Variants in SEPTIN9 observed in about 807,000 individuals in gnomAD.
SEPTIN9 encodes the protein septin-9.
Under a neutral mutation model 56.6 loss-of-function variants are expected in SEPTIN9, and 13 were observed. The ratio of observed to expected loss-of-function variants is 0.23; its 90% CI spans 0.15 to 0.37. The LOEUF (loss-of-function observed/expected upper bound fraction) is 0.37, where lower values mean the gene tolerates loss of function less well. Ranked by LOEUF, SEPTIN9 falls within the 10% of genes least tolerant of loss-of-function variation. SEPTIN9 has a pLI of 1.00. For synonymous variants in SEPTIN9, 332 were observed against 334.1 expected (o/e 0.99, Z 0.07); for missense variants, 650 against 823.1 (o/e 0.79, Z 2.57).
rs996849157 is a variant in SEPTIN9 at position 77,327,563 on chromosome 17, T to C, written c.76+20366T>C. On this transcript the variant is annotated intron_variant, in intron 2 of 11. Transcript: ENST00000427177. The surrounding 1 kb of genome is among the most constrained non-coding windows in gnomAD (Gnocchi z 5.0). The stretch of plus-strand genomic sequence containing the variant: ...TGCTCTGGGCAGTGGGGGCTGGGTA[T>C]GGGAGGGGATCGTGGGTGGGGAGAT... 2.0e-5 allele frequency among the ~76,000 whole-genome samples: 3 copies of C among 151,962 alleles called. No individual in the cohort carries two copies. Among genetic ancestry groups the C allele is most frequent in the Non-Finnish European group, 4.4e-5 (3 of 67,988 alleles).
chr17:77,328,207 C>A (rs1382170021), intron 2 of SEPTIN9, among the ~76,000 whole-genome samples: 1 of 152,214 alleles, frequency 6.6e-6, no homozygotes, highest in East Asian at 1.9e-4. Context: ...CCAGGGTGTC[C>A]CCATGCCCAG....
chr17:77,357,337 C>T (rs2034287355), intron 2 of SEPTIN9, among the ~76,000 whole-genome samples: 1 of 151,792 alleles, frequency 6.6e-6, no homozygotes, highest in Non-Finnish European at 1.5e-5. Context: ...ACAGTGGCTC[C>T]CTCTTACCTT....
At chr17:77,454,453 C>A in intron 3 of SEPTIN9, 1 of 841,294 alleles carries the variant, frequency 1.2e-6, no homozygotes, top group Non-Finnish European at 1.4e-6. Context: ...GTCCGCTGTA[C>A]GTGTGAGTTT....
rs200703014 is a variant in SEPTIN9 at position 77,402,336 on chromosome 17, G to C, written c.354G>C (p.Gln118His). ...TELSIDISSK[Q>H]VENAGAIGPS... Reference sequence around the variant, plus strand: ...TGTCCATTGACATCTCGTCCAAGCAGGTGGAGAACGCCGGGGCCATCGGCC... The same window carrying C: ...TGTCCATTGACATCTCGTCCAAGCACGTGGAGAACGCCGGGGCCATCGGCC... Residue 118 changes from glutamine (Q) to histidine (H), a missense_variant, in exon 3 of 12, where the codon CAG becomes CAC. Around this residue, in one of 2 missense-constraint regions of SEPTIN9, gnomAD observed 317 missense variants for 329.1 expected, o/e 0.96. Transcript: ENST00000427177. The surrounding 1 kb of genome is among the most constrained non-coding windows in gnomAD (Gnocchi z 6.6). The C allele has an allele frequency of 3.9e-4, 628 of 1,612,696 alleles. 1 individual carries two copies. Among genetic ancestry groups the C allele is most frequent in the Non-Finnish European group, 5.0e-4 (586 of 1,179,798 alleles).
At chr17:77,443,266 T>C (rs1267828531) in intron 3 of SEPTIN9, among the ~76,000 whole-genome samples, 1 of 152,054 alleles carries the variant, frequency 6.6e-6, no homozygotes, top group Non-Finnish European at 1.5e-5. Flanking sequence ...TGATGTTGGC[T>C]CAAGGGGAAA....
rs2032788626 is a variant in SEPTIN9 at position 77,318,578 on chromosome 17, C to T, written c.76+11381C>T. Among the ~76,000 whole-genome samples the T allele has an allele frequency of 6.6e-6, 1 of 152,168 alleles. No individual in the cohort carries two copies. On this transcript the variant is annotated intron_variant, in intron 2 of 11. Transcript: ENST00000427177. This position sits in a 1 kb window ranked among gnomAD's most constrained non-coding sequence, Gnocchi z 4.9. ...CCCACCTCGGCTGAGATGCTGTCCC[C>T]ACCTCCCTCACTGTCTGGCTGCCTG...
intron 2 of SEPTIN9, among the ~76,000 whole-genome samples, chr17:77,392,669 TG>T (rs2035582792): frequency 1.3e-5 from 2 of 150,024 alleles, no homozygotes; most frequent in African/African-American, 4.9e-5. Context: ...GGGATTGAGC[TG>T]GGGGTGGGGT....
chr17:77,341,784 C>CAA (rs34170928), intron 2 of SEPTIN9, among the ~76,000 whole-genome samples: 44,784 of 112,852 alleles, frequency 0.4, 9,578 homozygotes, highest in East Asian at 0.77. Context: ...GACTCCATCT[C>CAA]AAAAAAAAAA....
At chr17:77,337,015 T>C (rs892720619) in intron 2 of SEPTIN9, among the ~76,000 whole-genome samples, 2 of 151,602 alleles carry the variant, frequency 1.3e-5, no homozygotes, top group Admixed American at 1.3e-4. Flanking sequence ...TTTTTTTTTT[T>C]TTTAAAGAAA....
rs1266270887 is a variant in SEPTIN9 at position 77,445,127 on chromosome 17, TC to T, written c.722-37013del. 1 of 466,852 alleles carries T rather than the reference TC, an allele frequency of 2.1e-6. No individual in the cohort carries two copies. The highest frequency in any genetic ancestry group is 7.0e-5 in the East Asian group (1 of 14,316). The allele number at this position is 466,852 out of a possible 1,614,324, so 28.9% of individuals were successfully genotyped here. On this transcript the variant is annotated intron_variant, in intron 3 of 11. Transcript: ENST00000427177. The surrounding 1 kb of genome is among the most constrained non-coding windows in gnomAD (Gnocchi z 4.7). The stretch of plus-strand genomic sequence containing the variant: ...GCCTTCACTCGGGCTACTCAGGGTT[TC>T]CCCAGCCTGCCAACCCAAGGGTGGC...
At chr17:77,351,124 T>G (rs992906750) in intron 2 of SEPTIN9, among the ~76,000 whole-genome samples, 1 of 152,030 alleles carries the variant, frequency 6.6e-6, no homozygotes, top group African/African-American at 2.4e-5. Context: ...TCATTTTCCT[T>G]TTTTCTGGCT....
At chr17:77,399,544 C>T (rs1180403026) in intron 2 of SEPTIN9, among the ~76,000 whole-genome samples, 3 of 152,284 alleles carry the variant, frequency 2.0e-5, no homozygotes, top group Non-Finnish European at 4.4e-5. Context: ...CACTTTCTGG[C>T]ATCAGCCCGA....
intron 2 of SEPTIN9, among the ~76,000 whole-genome samples, chr17:77,331,336 C>G (rs2033344539): frequency 6.6e-6 from 1 of 152,086 alleles, no homozygotes; most frequent in South Asian, 2.1e-4. Flanking sequence ...GTGATGGGCA[C>G]TGGGGCTTAT....
At chr17:77,428,395 A>G (rs1319665273) in intron 3 of SEPTIN9, among the ~76,000 whole-genome samples, 1 of 152,118 alleles carries the variant, frequency 6.6e-6, no homozygotes, top group African/African-American at 2.4e-5. Context: ...TGACAGGTGG[A>G]CACTGTACCT....
intron 3 of SEPTIN9, among the ~76,000 whole-genome samples, chr17:77,431,648 G>A (rs312900): frequency 0.03 from 4,512 of 151,946 alleles, 216 homozygotes; most frequent in African/African-American, 0.098. Context: ...GGGCAACATG[G>A]CGAAACTCCA....
intron 2 of SEPTIN9, among the ~76,000 whole-genome samples, chr17:77,366,384 AAG>A (rs1323515668): frequency 3.9e-5 from 6 of 152,186 alleles, no homozygotes; most frequent in African/African-American, 1.4e-4. Flanking sequence ...GGACTGTGTG[AAG>A]AGAGAAGGAT....
intron 8 of SEPTIN9, among the ~76,000 whole-genome samples, chr17:77,491,630 C>A (rs1013591580): frequency 1.3e-5 from 2 of 151,478 alleles, no homozygotes; most frequent in African/African-American, 4.8e-5. Context: ...ATGATGAAAC[C>A]CCATCTCTAC....
chr17:77,452,031 C>T (rs2037995143), intron 3 of SEPTIN9, among the ~76,000 whole-genome samples: 1 of 152,200 alleles, frequency 6.6e-6, no homozygotes, highest in African/African-American at 2.4e-5. Flanking sequence ...CGAAGCTCCC[C>T]GCGGCGCCGG....
At position 77,450,587 on chromosome 17, in the gene SEPTIN9, C is replaced by T; in HGVS notation, c.722-31557C>T. On this transcript the variant is annotated intron_variant, in intron 3 of 11. Transcript: ENST00000427177. The surrounding 1 kb of genome is among the most constrained non-coding windows in gnomAD (Gnocchi z 6.0). ...GGTCTGGCAGATCCCAGCGTCCAGG[C>T]CCAGCCCCTATAGTGTCAGCTCCCT... 2 of 985,720 alleles carry T rather than the reference C, an allele frequency of 2.0e-6. No homozygotes were observed. The highest frequency in any genetic ancestry group is 2.4e-6 in the Non-Finnish European group (2 of 830,174). 61.1% of individuals were successfully genotyped at this position (985,720 alleles called of 1,614,324 possible).
Sources: allele counts gnomAD v4.1 joint callset (sites outside exome capture counted in the v4.1 genomes callset), GRCh38; gene constraint gnomAD v4.1.1; regional missense constraint gnomAD v4.1.1; non-coding constraint Gnocchi (gnomAD v3.1); transcripts MANE v1.5; gene names NCBI Gene and HGNC (gene_info 2026-07-23, HGNC 2026-07-21).